The following CNTNAP2 variants were observed in gnomAD, a reference collection of about 807,000 sequenced individuals.
The protein encoded by CNTNAP2 is contactin-associated protein-like 2.
CNTNAP2 carries 98 observed loss-of-function variants against 155.2 expected under a neutral mutation model. The ratio of observed to expected loss-of-function variants is 0.63; its 90% confidence interval spans 0.54 to 0.75. The LOEUF (loss-of-function observed/expected upper bound fraction) is 0.75. Ranked by LOEUF, CNTNAP2 falls within the 30% of genes least tolerant of loss-of-function variation. The pLI, the probability that CNTNAP2 is intolerant of heterozygous loss-of-function variation, is 0.00. For synonymous variants in CNTNAP2, 651 were observed against 631.2 expected (o/e 1.03, Z -0.47); for missense variants, 1,727 against 1,688.1 (o/e 1.02, Z -0.40).
intron 1 of CNTNAP2, among the ~76,000 whole-genome samples, chr7:146,263,198 G>A (rs6956131): frequency 0.13 from 20,011 of 151,088 alleles, 3,640 homozygotes; most frequent in African/African-American, 0.41. Context: ...GTGCGCCTGT[G>A]ATCCCAGCTA....
chr7:146,648,252 T>C (rs1200397137), intron 1 of CNTNAP2, among the ~76,000 whole-genome samples: 1 of 152,204 alleles, frequency 6.6e-6, no homozygotes, highest in East Asian at 1.9e-4. Flanking sequence ...GAACAAACTT[T>C]ATGCCTTTAC....
At chr7:146,239,028 T>C (rs1164412166) in intron 1 of CNTNAP2, among the ~76,000 whole-genome samples, 1 of 152,178 alleles carries the variant, frequency 6.6e-6, no homozygotes, top group African/African-American at 2.4e-5. Context: ...AGCCAAACTA[T>C]ATCACATGCT....
chr7:146,625,719 T>C (rs1045050789), intron 1 of CNTNAP2, among the ~76,000 whole-genome samples: 1 of 152,016 alleles, frequency 6.6e-6, no homozygotes, highest in African/African-American at 2.4e-5. Context: ...CAACAAAAGG[T>C]TGGTTTTCAA....
intron 18 of CNTNAP2, among the ~76,000 whole-genome samples, chr7:148,178,515 G>T (rs1794984452): frequency 6.6e-6 from 1 of 152,138 alleles, no homozygotes; most frequent in African/African-American, 2.4e-5. Context: ...TATGAGTATT[G>T]TGAAGTTAGC....
intron 3 of CNTNAP2, among the ~76,000 whole-genome samples, chr7:146,918,238 A>G (rs1176456178): frequency 1.3e-5 from 2 of 151,992 alleles, no homozygotes; most frequent in African/African-American, 2.4e-5. Flanking sequence ...TTTCCTGAAT[A>G]CCTTGGTTTA....
At chr7:147,678,789 C>T (rs931161146) in intron 13 of CNTNAP2, among the ~76,000 whole-genome samples, 2 of 151,872 alleles carry the variant, frequency 1.3e-5, no homozygotes, top group Non-Finnish European at 2.9e-5. Flanking sequence ...ATTAAAAACA[C>T]ATATATTTAC....
intron 2 of CNTNAP2, among the ~76,000 whole-genome samples, chr7:146,809,724 G>C (rs1182171031): frequency 6.6e-6 from 1 of 152,076 alleles, no homozygotes. Flanking sequence ...AAATTGTTTT[G>C]TAATTGAGTT....
At chr7:147,041,398 G>T (rs1451673591) in intron 3 of CNTNAP2, among the ~76,000 whole-genome samples, 3 of 152,072 alleles carry the variant, frequency 2.0e-5, no homozygotes, top group African/African-American at 4.8e-5. Context: ...TCCTAGAGAG[G>T]CTACCCATAC....
chr7:147,780,940 G>A (rs915187145), intron 13 of CNTNAP2, among the ~76,000 whole-genome samples: 1 of 152,164 alleles, frequency 6.6e-6, no homozygotes, highest in Non-Finnish European at 1.5e-5. Context: ...CTACTTCCAA[G>A]TGAGGAGACA....
At chr7:146,415,083 G>T (rs924425413) in intron 1 of CNTNAP2, among the ~76,000 whole-genome samples, 2 of 152,282 alleles carry the variant, frequency 1.3e-5, no homozygotes, top group Middle Eastern at 3.4e-3. Flanking sequence ...AGTGAAGCAA[G>T]TTAGCTTGTA....
chr7:148,164,768 A>G (rs2906295), intron 17 of CNTNAP2, among the ~76,000 whole-genome samples: 55,969 of 151,110 alleles, frequency 0.37, 11,835 homozygotes, highest in African/African-American at 0.58. Context: ...CTACAGGCAG[A>G]TGCCACCACA....
intron 3 of CNTNAP2, among the ~76,000 whole-genome samples, chr7:146,933,899 T>C (rs1416192174): frequency 6.6e-6 from 1 of 151,596 alleles, no homozygotes; most frequent in Non-Finnish European, 1.5e-5. Context: ...AGATACCATC[T>C]CACACCAGTT....
intron 3 of CNTNAP2, among the ~76,000 whole-genome samples, chr7:147,004,198 T>A (rs1290048032): frequency 4.3e-5 from 4 of 92,714 alleles, no homozygotes; most frequent in Admixed American, 1.1e-4. Flanking sequence ...TATTAAAACT[T>A]AAAACTCATA....
At chr7:146,294,359 T>C (rs2129087154) in intron 1 of CNTNAP2, among the ~76,000 whole-genome samples, 1 of 152,232 alleles carries the variant, frequency 6.6e-6, no homozygotes, top group South Asian at 2.1e-4. Flanking sequence ...ATTTGGACGC[T>C]GCCCTCTAGG....
intron 1 of CNTNAP2, among the ~76,000 whole-genome samples, chr7:146,380,254 C>A (rs558105336): frequency 6.6e-6 from 1 of 152,250 alleles, no homozygotes; most frequent in South Asian, 2.1e-4. Flanking sequence ...GGTAATGATG[C>A]AGTACACTTA....
intron 1 of CNTNAP2, among the ~76,000 whole-genome samples, chr7:146,760,409 CTTTTTTTTTTTTTTTT>C (rs532820418): frequency 0.014 from 771 of 56,350 alleles, 19 homozygotes; most frequent in African/African-American, 0.062. Context: ...TCCAATTTAC[CTTTTTTTTTTTTTTTT>C]TTTTTTTTTT....
intron 3 of CNTNAP2, among the ~76,000 whole-genome samples, chr7:147,000,264 A>G (rs184709143): frequency 4.5e-4 from 69 of 152,032 alleles, no homozygotes; most frequent in African/African-American, 1.5e-3. Context: ...CATAGTCACA[A>G]TGTTTTCTTC....
intron 9 of CNTNAP2, among the ~76,000 whole-genome samples, chr7:147,303,051 G>A (rs1427876591): frequency 1.3e-5 from 2 of 152,172 alleles, no homozygotes; most frequent in South Asian, 4.1e-4. Context: ...CCTCCTCAGC[G>A]AATGACTGGC....
Position 147,898,558 on chromosome 7 carries a change from C to T in CNTNAP2, c.2099-5007C>T, listed in dbSNP as rs534919113. On this transcript the variant is annotated intron_variant, in intron 13 of 23. Transcript: ENST00000361727. ...TTTTTTTTTGAGACAGAGTCTCACTCTATCAGGTTGGAGTGCAATGGCGTA... is the reference window on the plus strand; with the variant it reads ...TTTTTTTTTGAGACAGAGTCTCACTTTATCAGGTTGGAGTGCAATGGCGTA... Among the ~76,000 whole-genome samples, 23 of 151,962 alleles carry T rather than the reference C, an allele frequency of 1.5e-4. 1 individual carries two copies. The East Asian group carries it at 2.5e-3, about 17-fold the overall frequency.
Sources: gnomAD v4.1 joint callset for allele counts (sites outside exome capture counted in the v4.1 genomes callset) on GRCh38, gnomAD v4.1.1 for gene constraint, MANE v1.5 for transcripts, NCBI Gene and HGNC (gene_info 2026-07-23, HGNC 2026-07-21) for gene names.